PIP4K2A: variants seen among roughly 807,000 people sequenced by gnomAD.
PIP4K2A encodes phosphatidylinositol-5-phosphate 4-kinase type 2 alpha, also known as phosphatidylinositol 5-phosphate 4-kinase type-2 alpha.
A neutral mutation model predicts 42.9 loss-of-function variants in PIP4K2A; 14 were observed. The observed-to-expected ratio is 0.33, with a 90% CI of 0.22 to 0.51. PIP4K2A has a LOEUF of 0.51. Among genes scored for constraint, PIP4K2A ranks in the 20% least tolerant of loss-of-function variants. PIP4K2A has a pLI of 0.97. For missense variants in PIP4K2A, 434 were observed against 519.8 expected, an observed-to-expected ratio of 0.83 and a Z score of 1.61; for synonymous variants, 192 against 192.2, an observed-to-expected ratio of 1.00 and a Z score of 0.01.
In PIP4K2A at chr10:22,536,972, AC is replaced by A; in HGVS notation, c.*228del. On this transcript the variant is annotated 3_prime_UTR_variant, in exon 10 of 10. Transcript: ENST00000376573. ...GCACACACTCACCCCCCCCCAACAC[AC>A]ACACACACACATATACACAAAGTCA... 3.0e-6 allele frequency: 1 copy of A among 337,846 alleles called. No homozygotes were observed. The highest frequency in any genetic ancestry group is 5.5e-6 in the Non-Finnish European group (1 of 183,474). The allele number at this position is 337,846 out of a possible 1,614,324, so 20.9% of individuals were successfully genotyped here.
At chr10:22,672,151 T>C (rs1839465455) in intron 1 of PIP4K2A, among the ~76,000 whole-genome samples, 1 of 152,144 alleles carries the variant, frequency 6.6e-6, no homozygotes. Context: ...AGGCAGTTAT[T>C]GTTAAATGAA....
intron 4 of PIP4K2A, among the ~76,000 whole-genome samples, chr10:22,583,413 G>C (rs1837322537): frequency 1.3e-5 from 2 of 152,182 alleles, no homozygotes; most frequent in South Asian, 4.1e-4. Flanking sequence ...GGGGGGAGCT[G>C]ATCATTTGGG....
Position 22,567,848 on chromosome 10 carries a change from T to TA in PIP4K2A, c.678+2dup. On this transcript the variant is annotated splice_region_variant and intron_variant, in intron 6 of 9. Transcript: ENST00000376573. ...ATGGGGAGACATACAGCAAGGTACT[T>TA]ACCTTTTCTTTGTCACTAGCTTCTC... The TA allele has an allele frequency of 6.2e-7, 1 of 1,612,668 alleles. No individual in the cohort carries two copies.
intron 1 of PIP4K2A, among the ~76,000 whole-genome samples, chr10:22,629,319 C>A (rs910712553): frequency 3.3e-5 from 5 of 152,046 alleles, no homozygotes; most frequent in East Asian, 1.9e-4. Flanking sequence ...GCATTCTTTT[C>A]AAAAATGTGG....
chr10:22,713,925 G>A, intron 1 of PIP4K2A: 4 of 309,246 alleles, frequency 1.3e-5, no homozygotes, highest in South Asian at 1.4e-4. Context: ...GGCACCCACC[G>A]TGAGACTCAC....
At chr10:22,605,606 C>T (rs961105352) in intron 3 of PIP4K2A, among the ~76,000 whole-genome samples, 2 of 152,066 alleles carry the variant, frequency 1.3e-5, no homozygotes, top group Non-Finnish European at 2.9e-5. Context: ...TTGATTATGA[C>T]AAGAAATAGA....
chr10:22,658,128 C>T (rs1362664873), intron 1 of PIP4K2A, among the ~76,000 whole-genome samples: 1 of 152,106 alleles, frequency 6.6e-6, no homozygotes, highest in Admixed American at 6.5e-5. Context: ...TTAAAAACTT[C>T]CTTTGTTGAT....
intron 1 of PIP4K2A, among the ~76,000 whole-genome samples, chr10:22,643,768 G>C (rs1234686778): frequency 6.6e-6 from 1 of 152,020 alleles, no homozygotes; most frequent in East Asian, 1.9e-4. Context: ...AGAACCAGAA[G>C]ATGGGGTAGG....
intron 1 of PIP4K2A, among the ~76,000 whole-genome samples, chr10:22,646,837 A>G (rs1368205220): frequency 6.6e-6 from 1 of 152,168 alleles, no homozygotes; most frequent in African/African-American, 2.4e-5. Flanking sequence ...GTTGGCTGAT[A>G]TATCCTTTTC....
intron 3 of PIP4K2A, among the ~76,000 whole-genome samples, chr10:22,604,916 C>A (rs76426288): frequency 6.6e-6 from 1 of 152,208 alleles, no homozygotes; most frequent in African/African-American, 2.4e-5. Flanking sequence ...GGCCCCTGCC[C>A]GCCTGCCGCC....
At chr10:22,704,363 T>C (rs762865641) in intron 1 of PIP4K2A, among the ~76,000 whole-genome samples, 1 of 152,028 alleles carries the variant, frequency 6.6e-6, no homozygotes, top group Non-Finnish European at 1.5e-5. Flanking sequence ...AGCAGTTTCC[T>C]AGGTGTGCTG....
intron 7 of PIP4K2A, among the ~76,000 whole-genome samples, chr10:22,543,525 AG>A (rs1308640499): frequency 6.6e-6 from 1 of 152,212 alleles, no homozygotes; most frequent in Non-Finnish European, 1.5e-5. Context: ...CCCAGAGAAG[AG>A]GGGAAGCCAC....
At chr10:22,537,350 C>T in intron 9 of PIP4K2A, 69 bp from the exon 10 acceptor site, 1 of 1,208,392 alleles carries the variant, frequency 8.3e-7, no homozygotes, top group Non-Finnish European at 1.2e-6. Flanking sequence ...TACTCAATAT[C>T]TACAGCTATT....
chr10:22,695,905 G>A (rs1440868564), intron 1 of PIP4K2A, among the ~76,000 whole-genome samples: 1 of 151,994 alleles, frequency 6.6e-6, no homozygotes, highest in African/African-American at 2.4e-5. Context: ...CAGAAGCCTT[G>A]GATACAGAGG....
intron 1 of PIP4K2A, among the ~76,000 whole-genome samples, chr10:22,706,967 C>T (rs1833834645): frequency 6.6e-6 from 1 of 151,940 alleles, no homozygotes; most frequent in African/African-American, 2.4e-5. Context: ...TAATTTGCTA[C>T]CTCTTAGCAT....
chr10:22,571,014 A>G (rs553503341), intron 5 of PIP4K2A, among the ~76,000 whole-genome samples: 1 of 152,236 alleles, frequency 6.6e-6, no homozygotes, highest in Non-Finnish European at 1.5e-5. Context: ...ACATGAAAGC[A>G]TAACATTAAA....
intron 5 of PIP4K2A, among the ~76,000 whole-genome samples, chr10:22,570,063 C>G (rs1836948160): frequency 1.3e-5 from 2 of 151,780 alleles, no homozygotes; most frequent in Non-Finnish European, 2.9e-5. Context: ...GAGGCGCTAT[C>G]TTAGGCATTG....
intron 1 of PIP4K2A, among the ~76,000 whole-genome samples, chr10:22,664,130 CATATATATATACATATATAT>C (rs1839282903): frequency 1.2e-4 from 5 of 40,212 alleles, no homozygotes; most frequent in African/African-American, 9.9e-4. Flanking sequence ...TATATATATA[CATATATATATACATATATAT>C]ACACATATAT....
intron 1 of PIP4K2A, among the ~76,000 whole-genome samples, chr10:22,709,581 T>A (rs1833880810): frequency 6.6e-6 from 1 of 152,190 alleles, no homozygotes; most frequent in Non-Finnish European, 1.5e-5. Flanking sequence ...GCAACCTATC[T>A]AAAGACACAG....
Sources: allele counts gnomAD v4.1 joint callset (sites outside exome capture counted in the v4.1 genomes callset), GRCh38; gene constraint gnomAD v4.1.1; transcripts MANE v1.5; gene names NCBI Gene and HGNC (gene_info 2026-07-23, HGNC 2026-07-21).